Variants in SYAP1 observed in about 807,000 individuals in gnomAD.
SYAP1 encodes synapse-associated protein 1.
A neutral mutation model predicts 29.6 loss-of-function variants in SYAP1; 3 were observed. That is an observed-to-expected ratio of 0.10 (90% CI 0.05 to 0.26). SYAP1 has a LOEUF of 0.26. Ranked by LOEUF, SYAP1 falls within the 10% of genes least tolerant of loss-of-function variation. The probability of loss-of-function intolerance (pLI) is 1.00; values close to 1 mark genes in which losing one functional copy is unlikely to be tolerated. For missense variants in SYAP1, 217 were observed against 264.1 expected (o/e 0.82, Z 1.24); for synonymous variants, 102 against 102.7 (o/e 0.99, Z 0.04).
intron 3 of SYAP1, among the ~76,000 whole-genome samples, chrX:16,737,023 G>A (rs1569249135): frequency 8.9e-6 from 1 of 111,857 alleles, no homozygotes; most frequent in South Asian, 3.7e-4. Flanking sequence ...ACATGCCTCT[G>A]AAGTTATAAG....
chrX:16,747,892 G>A (rs1283420331), intron 5 of SYAP1, among the ~76,000 whole-genome samples: 1 of 111,421 alleles, frequency 9.0e-6, no homozygotes, highest in Non-Finnish European at 1.9e-5. Flanking sequence ...AGACCAGCCT[G>A]GCCAACCTGG....
intron 8 of SYAP1, among the ~76,000 whole-genome samples, chrX:16,757,797 G>A (rs1044788289): frequency 9.4e-6 from 1 of 106,166 alleles, no homozygotes; most frequent in Non-Finnish European, 1.9e-5. Context: ...CCAGCTACTC[G>A]GGAGGAAGCT....
intron 1 of SYAP1, among the ~76,000 whole-genome samples, chrX:16,731,940 C>CAAA (rs770541131): frequency 2.1e-5 from 2 of 96,484 alleles, no homozygotes; most frequent in African/African-American, 8.2e-5. Flanking sequence ...AACTCTGTCT[C>CAAA]AAAAAAAAAA....
Position 16,759,976 on chromosome X carries a change from A to C in SYAP1, c.932-256A>C, listed in dbSNP as rs149020384. ...GGAAATGCAGAGGCATAGGGAAAGC[A>C]AAATAACACCCAAAATATATTGATG... is the stretch of plus-strand genomic sequence containing the variant. On this transcript the variant is annotated intron_variant, in intron 8 of 8. Coordinates refer to ENST00000380155, the MANE Select transcript of SYAP1 (RefSeq NM_032796.4). 4.7e-3 allele frequency among the ~76,000 whole-genome samples: 524 copies of C among 112,651 alleles called. 4 individuals are homozygous for C. The highest frequency in any genetic ancestry group is 0.016 in the African/African-American group (488 of 31,075).
Position 16,760,558 on chromosome X carries a change from T to A in SYAP1, c.*199T>A, listed in dbSNP as rs1926960520. On this transcript the variant is annotated 3_prime_UTR_variant, in exon 9 of 9. Coordinates refer to ENST00000380155, the MANE Select transcript of SYAP1 (RefSeq NM_032796.4). Reference sequence around the variant, plus strand: ...GTTACTTCTAATAATCAGAAAGAGATGTTTTATAGAACATTTCTTTAATAT... The same window carrying A: ...GTTACTTCTAATAATCAGAAAGAGAAGTTTTATAGAACATTTCTTTAATAT... The A allele has an allele frequency of 3.7e-6, 1 of 272,215 alleles. No homozygotes were observed. The highest frequency in any genetic ancestry group is 2.8e-5 in the African/African-American group (1 of 36,270). 22.4% of individuals were successfully genotyped at this position (272,215 alleles called of 1,213,427 possible).
chrX:16,736,196 A>G lies in SYAP1; in HGVS notation c.325A>G (p.Lys109Glu). The G allele has an allele frequency of 8.4e-7, 1 of 1,194,421 alleles. No individual in the cohort carries two copies. The highest frequency in any genetic ancestry group is 1.1e-6 in the Non-Finnish European group (1 of 879,940). ...TIIGDFQKEQ[K>E]KFVEEQHTKK... ...TATAGGAGATTTTCAGAAGGAACAG[A>G]AAAAATTTGTTGAAGAGCAACATAC... The change falls in exon 3 of 9, where the codon AAA (lysine) becomes GAA (glutamate). Residue 109 changes from lysine to glutamate, a missense_variant. Physicochemically the swap from Lys to Glu is moderately conservative, Grantham distance 56. Transcript: ENST00000380155.
chrX:16,755,135 T>A (rs762912478), intron 6 of SYAP1, 42 bp downstream of exon 6: 6 of 1,178,185 alleles, frequency 5.1e-6, no homozygotes, highest in East Asian at 6.0e-5. Flanking sequence ...GAAAAAGTTG[T>A]TCTTAGAGAC....
At chrX:16,739,612 G>A (rs1184771020) in intron 3 of SYAP1, among the ~76,000 whole-genome samples, 1 of 109,593 alleles carries the variant, frequency 9.1e-6, no homozygotes, top group Non-Finnish European at 1.9e-5. Context: ...GAGTAGCTGG[G>A]ACCAAATCAT....
At chrX:16,738,217 C>A (rs1284187538) in intron 3 of SYAP1, among the ~76,000 whole-genome samples, 2 of 111,532 alleles carry the variant, frequency 1.8e-5, no homozygotes, top group Non-Finnish European at 3.8e-5. Context: ...GAGTTTGAGA[C>A]CAGCCTGGCC....
At position 16,760,726 on chromosome X, in the gene SYAP1, C is replaced by A. The variant is rs2147440583; in HGVS notation, c.*367C>A. 8.7e-6 allele frequency: 1 copy of A among 115,419 alleles called. No homozygotes were observed. The highest frequency in any genetic ancestry group is 1.8e-5 in the Non-Finnish European group (1 of 54,996). The allele number at this position is 115,419 out of a possible 1,213,427, so 9.5% of individuals were successfully genotyped here. ...TTCTAAATATCTGTACTCCACATTC[C>A]ATTTTAATTGATATGAGGGTGTTAA... On this transcript the variant is annotated 3_prime_UTR_variant, in exon 9 of 9. Transcript: ENST00000380155.
chrX:16,735,877 G>T (rs1430942624), intron 2 of SYAP1, among the ~76,000 whole-genome samples: 1 of 112,492 alleles, frequency 8.9e-6, no homozygotes, highest in Non-Finnish European at 1.9e-5. Context: ...CACCCGCCTT[G>T]CCCTCCCAAA....
chrX:16,751,693 T>G (rs1469523317), intron 5 of SYAP1, among the ~76,000 whole-genome samples: 4 of 106,117 alleles, frequency 3.8e-5, no homozygotes, highest in Non-Finnish European at 7.8e-5. Flanking sequence ...TTTTTTTTTT[T>G]TTGATACGGA....
chrX:16,719,989 A>G (rs945463323), intron 1 of SYAP1, 90 bp downstream of exon 1: 1 of 936,631 alleles, frequency 1.1e-6, no homozygotes. Flanking sequence ...TGGCTGGGGG[A>G]TGAGGGGGCC....
chrX:16,733,689 G>A (rs971608770), intron 1 of SYAP1, among the ~76,000 whole-genome samples: 1 of 106,879 alleles, frequency 9.4e-6, no homozygotes, highest in African/African-American at 3.4e-5. Flanking sequence ...TTTTTTAGAC[G>A]GAGTCTCGCT....
intron 1 of SYAP1, among the ~76,000 whole-genome samples, chrX:16,724,514 C>G (rs1052820318): frequency 8.9e-6 from 1 of 111,954 alleles, no homozygotes; most frequent in Non-Finnish European, 1.9e-5. Context: ...AGTCTCAGGC[C>G]TGCCATGTTA....
chrX:16,738,390 G>A (rs1926374824), intron 3 of SYAP1, among the ~76,000 whole-genome samples: 1 of 112,062 alleles, frequency 8.9e-6, no homozygotes, highest in Non-Finnish European at 1.9e-5. Context: ...ACTCCAGCCT[G>A]GGTGACAGAG....
chrX:16,758,022 G>A lies in SYAP1; in HGVS notation c.931+713G>A, dbSNP rs776516986. Among the ~76,000 whole-genome samples the A allele has an allele frequency of 3.6e-5, 4 of 111,530 alleles. No homozygotes were observed. In the South Asian group the frequency reaches 1.5e-3, roughly 42 times the overall value. On this transcript the variant is annotated intron_variant, in intron 8 of 8. Transcript: ENST00000380155. ...TGCATGCCAAAAGAGCATTGCTTCT[G>A]GGAAGGAGCAGGCTGCTTTTAAAAA...
chrX:16,763,198 A>G lies in SYAP1; in HGVS notation c.*2839A>G, dbSNP rs1927019847. Reference sequence around the variant, plus strand: ...CTACTTGGAAGGCTGAGGCAGGAGGATCGCTTGAGCCCAGGAGATCCAGGC... The same window carrying G: ...CTACTTGGAAGGCTGAGGCAGGAGGGTCGCTTGAGCCCAGGAGATCCAGGC... On this transcript the variant is annotated 3_prime_UTR_variant, in exon 9 of 9. Coordinates refer to ENST00000380155, the MANE Select transcript of SYAP1 (RefSeq NM_032796.4). 1 of 104,516 alleles carries G rather than the reference A, an allele frequency of 9.6e-6. No individual in the cohort carries two copies. Among genetic ancestry groups the G allele is most frequent in the Non-Finnish European group, 1.9e-5 (1 of 51,377 alleles). The allele number at this position is 104,516 out of a possible 1,213,427, so 8.6% of individuals were successfully genotyped here. A position where few individuals can be genotyped will look rare whatever the true frequency, so the allele number is the denominator to read the frequency against.
At chrX:16,734,157 T>C (rs111609737) in intron 1 of SYAP1, among the ~76,000 whole-genome samples, 1 of 109,997 alleles carries the variant, frequency 9.1e-6, no homozygotes, top group African/African-American at 3.3e-5. Flanking sequence ...AGTGGGTGGA[T>C]CACCTGAGGT....
Sources: allele counts gnomAD v4.1 joint callset (sites outside exome capture counted in the v4.1 genomes callset), GRCh38; gene constraint gnomAD v4.1.1; transcripts MANE v1.5; gene names NCBI Gene and HGNC (gene_info 2026-07-23, HGNC 2026-07-21).